The following PCNX1 variants were observed in gnomAD, a reference collection of about 807,000 sequenced individuals.
PCNX1 encodes the protein pecanex-like protein 1.
In PCNX1, 78 loss-of-function variants were observed where a neutral mutation model predicts 242.2. That is an observed-to-expected ratio of 0.32 (90% CI 0.27 to 0.39). The LOEUF (loss-of-function observed/expected upper bound fraction) is 0.39. Ranked by LOEUF, PCNX1 falls within the 10% of genes least tolerant of loss-of-function variation. The pLI is 1.00. For missense variants in PCNX1, 2,581 were observed against 2,856.5 expected, an observed-to-expected ratio of 0.90 and a Z score of 2.20; for synonymous variants, 1,024 against 1,032.9, an observed-to-expected ratio of 0.99 and a Z score of 0.17.
chr14:71,007,092 G>T (rs17108877), intron 8 of PCNX1, among the ~76,000 whole-genome samples: 55,617 of 151,780 alleles, frequency 0.37, 10,454 homozygotes, highest in East Asian at 0.62. Context: ...TACATTTTTA[G>T]ATTTTATTAC....
At chr14:70,916,026 T>C (rs1271159208) in intron 1 of PCNX1, among the ~76,000 whole-genome samples, 2 of 152,172 alleles carry the variant, frequency 1.3e-5, no homozygotes. Flanking sequence ...TTTTATGATT[T>C]ATGTAATCTC....
chr14:70,931,507 C>T (rs2056798224), intron 1 of PCNX1, among the ~76,000 whole-genome samples: 1 of 147,026 alleles, frequency 6.8e-6, no homozygotes, highest in African/African-American at 2.4e-5. Context: ...ATGGATGGAA[C>T]TTACAATTTA....
intron 5 of PCNX1, among the ~76,000 whole-genome samples, chr14:70,973,485 G>C (rs2058600911): frequency 6.6e-6 from 1 of 152,036 alleles, no homozygotes; most frequent in South Asian, 2.1e-4. Context: ...AATTTAGGGG[G>C]TGTTGGTGAC....
At chr14:71,022,817 A>G (rs1021778691) in intron 12 of PCNX1, among the ~76,000 whole-genome samples, 6 of 152,116 alleles carry the variant, frequency 3.9e-5, no homozygotes, top group African/African-American at 1.4e-4. Context: ...ATTATTGTAT[A>G]TTTCCTGAAT....
At chr14:70,957,296 G>A (rs1477840718) in intron 2 of PCNX1, among the ~76,000 whole-genome samples, 1 of 152,064 alleles carries the variant, frequency 6.6e-6, no homozygotes, top group Non-Finnish European at 1.5e-5. Flanking sequence ...CTGTTTTTAT[G>A]TATTATTAAT....
At chr14:70,912,977 T>G (rs2055991248) in intron 1 of PCNX1, among the ~76,000 whole-genome samples, 1 of 152,258 alleles carries the variant, frequency 6.6e-6, no homozygotes, top group Non-Finnish European at 1.5e-5. Flanking sequence ...TCACAGAGGC[T>G]GAGCCTGATA....
chr14:71,054,953 G>A (rs1226476841), intron 24 of PCNX1, among the ~76,000 whole-genome samples: 2 of 152,164 alleles, frequency 1.3e-5, no homozygotes, highest in African/African-American at 4.8e-5. Context: ...AGGCACCACA[G>A]TCTTACCTAC....
At chr14:71,069,983 T>C (rs1049032103) in intron 26 of PCNX1, among the ~76,000 whole-genome samples, 14 of 152,228 alleles carry the variant, frequency 9.2e-5, no homozygotes, top group African/African-American at 3.1e-4. Context: ...GAGTCAGTGC[T>C]CTCAAACTTT....
intron 12 of PCNX1, among the ~76,000 whole-genome samples, chr14:71,020,025 A>G (rs887669386): frequency 1.3e-5 from 2 of 151,918 alleles, no homozygotes; most frequent in East Asian, 1.9e-4. Context: ...GAGTCAGAAC[A>G]TGCAGTGTTT....
intron 16 of PCNX1, chr14:71,031,876 G>A (rs1595309160): frequency 2.1e-6 from 3 of 1,453,400 alleles, no homozygotes; most frequent in Non-Finnish European, 2.9e-6. Context: ...CACTTTCACA[G>A]CACGAGCAGA....
intron 16 of PCNX1, among the ~76,000 whole-genome samples, chr14:71,032,424 A>G (rs1399702552): frequency 1.3e-5 from 2 of 152,150 alleles, no homozygotes; most frequent in East Asian, 1.9e-4. Flanking sequence ...TTTCTCATCT[A>G]TAAATTGGGG....
intron 8 of PCNX1, among the ~76,000 whole-genome samples, chr14:71,004,961 C>T (rs2059612513): frequency 6.6e-6 from 1 of 152,084 alleles, no homozygotes; most frequent in Non-Finnish European, 1.5e-5. Context: ...TAGCCCCTCT[C>T]TGCCCTATGA....
At chr14:71,004,177 AG>A (rs1229563269) in intron 8 of PCNX1, among the ~76,000 whole-genome samples, 1 of 152,178 alleles carries the variant, frequency 6.6e-6, no homozygotes. Context: ...GTTGCAACAG[AG>A]GTTATCTGGC....
chr14:71,001,436 T>C (rs564715077), intron 8 of PCNX1, among the ~76,000 whole-genome samples: 31 of 152,356 alleles, frequency 2.0e-4, no homozygotes, highest in African/African-American at 7.0e-4. Context: ...TAAATCTAGA[T>C]GAATTTTATC....
At chr14:70,981,390 T>C (rs1168000232) in intron 6 of PCNX1, among the ~76,000 whole-genome samples, 2 of 152,184 alleles carry the variant, frequency 1.3e-5, no homozygotes, top group Non-Finnish European at 2.9e-5. Context: ...AAATAAAAAA[T>C]TCTGATTCCC....
At chr14:70,999,335 G>C (rs1024662962) in intron 8 of PCNX1, among the ~76,000 whole-genome samples, 2 of 152,160 alleles carry the variant, frequency 1.3e-5, no homozygotes, top group African/African-American at 4.8e-5. Flanking sequence ...AACATTGCCT[G>C]TGGTTTTTTC....
chr14:71,025,824 A>ACT (rs58772966), intron 13 of PCNX1, among the ~76,000 whole-genome samples: 44,910 of 151,838 alleles, frequency 0.3, 6,637 homozygotes, highest in Middle Eastern at 0.4. Context: ...AGCTGTGAGC[A>ACT]CTCTACTGCA....
chr14:70,934,411 A>G (rs1156662365), intron 1 of PCNX1, among the ~76,000 whole-genome samples: 1 of 152,168 alleles, frequency 6.6e-6, no homozygotes, highest in Non-Finnish European at 1.5e-5. Flanking sequence ...AAATTGTGGT[A>G]AAAACACATA....
chr14:71,016,099 A>G (rs2059956715), intron 11 of PCNX1, among the ~76,000 whole-genome samples: 1 of 152,238 alleles, frequency 6.6e-6, no homozygotes, highest in South Asian at 2.1e-4. Flanking sequence ...AAAGGCTTAT[A>G]GTACTGGCTG....
Sources: allele counts gnomAD v4.1 joint callset (sites outside exome capture counted in the v4.1 genomes callset), GRCh38; gene constraint gnomAD v4.1.1; transcripts MANE v1.5; gene names NCBI Gene and HGNC (gene_info 2026-07-23, HGNC 2026-07-21).